The following KIF18A variants were observed in gnomAD, a reference collection of about 807,000 sequenced individuals.
The protein encoded by KIF18A is kinesin-like protein KIF18A.
A neutral mutation model predicts 103.3 loss-of-function variants in KIF18A; 67 were observed. The observed-to-expected ratio is 0.65, with a 90% confidence interval of 0.53 to 0.79. KIF18A has a LOEUF of 0.79. KIF18A is among the 30% of genes least tolerant of loss of function. KIF18A has a pLI of 0.00. For synonymous variants in KIF18A, 367 were observed against 355.5 expected (o/e 1.03, Z -0.36); for missense variants, 1,032 against 1,062.5 (o/e 0.97, Z 0.40).
chr11:28,071,675 A>T (rs181125684), intron 10 of KIF18A, among the ~76,000 whole-genome samples: 1 of 152,204 alleles, frequency 6.6e-6, no homozygotes, highest in Non-Finnish European at 1.5e-5. Flanking sequence ...TTAAAAGCAG[A>T]AAGGGGTCCT....
rs567366088 is a variant in KIF18A, at chr11:28,050,799, T to C, written c.1948+8127A>G. Among the ~76,000 whole-genome samples, 10 of 151,936 alleles carry C rather than the reference T, an allele frequency of 6.6e-5. No individual in the cohort carries two copies. In the South Asian group the frequency reaches 1.9e-3, roughly 28 times the overall value. ...GCTATCTATTTTCCAGACCCCAAAA[T>C]AGGTACATATTTTACTCTTAGTCAA... On this transcript the variant is annotated intron_variant, in intron 13 of 16. Coordinates refer to ENST00000263181, the MANE Select transcript of KIF18A (RefSeq NM_031217.4).
At chr11:28,067,469 G>A (rs1242981111) in intron 11 of KIF18A, among the ~76,000 whole-genome samples, 1 of 152,022 alleles carries the variant, frequency 6.6e-6, no homozygotes. Context: ...AGTCATGTCT[G>A]AGCTTCCATA....
intron 7 of KIF18A, 95 bp from the exon 8 acceptor site, chr11:28,083,338 C>T: frequency 7.7e-7 from 1 of 1,306,580 alleles, no homozygotes. Flanking sequence ...CATTGAGTTC[C>T]ATGAATTCAG....
At chr11:28,080,490 T>C (rs1851151929) in intron 9 of KIF18A, among the ~76,000 whole-genome samples, 1 of 152,126 alleles carries the variant, frequency 6.6e-6, no homozygotes. Context: ...TTTTTCATTA[T>C]TACATATCTG....
At chr11:28,059,226 C>A in intron 12 of KIF18A, 65 bp from the exon 13 acceptor site, 1 of 1,123,360 alleles carries the variant, frequency 8.9e-7, no homozygotes, top group South Asian at 1.4e-5. Flanking sequence ...TATTTTAGTT[C>A]TTTTATGTAA....
At chr11:28,063,686 T>C (rs1444626739) in intron 11 of KIF18A, among the ~76,000 whole-genome samples, 3 of 151,948 alleles carry the variant, frequency 2.0e-5, no homozygotes, top group East Asian at 3.9e-4. Context: ...TTTCAAACAA[T>C]ACAATGAAAA....
At chr11:28,074,860 C>T (rs1483163250) in intron 10 of KIF18A, among the ~76,000 whole-genome samples, 1 of 152,022 alleles carries the variant, frequency 6.6e-6, no homozygotes, top group East Asian at 1.9e-4. Context: ...CATCATATGT[C>T]TATGTAATTA....
intron 9 of KIF18A, among the ~76,000 whole-genome samples, chr11:28,078,730 T>C (rs146671840): frequency 6.6e-6 from 1 of 152,252 alleles, no homozygotes; most frequent in African/African-American, 2.4e-5. Flanking sequence ...GATTTCCTTT[T>C]GAGAATTACC....
intron 12 of KIF18A, among the ~76,000 whole-genome samples, chr11:28,062,117 T>C (rs772901215): frequency 6.6e-6 from 1 of 152,134 alleles, no homozygotes; most frequent in Non-Finnish European, 1.5e-5. Context: ...GGCAGATTTC[T>C]TTTCAATGTG....
intron 2 of KIF18A, chr11:28,097,206 A>G (rs987097285): frequency 3.6e-5 from 6 of 166,606 alleles, no homozygotes; most frequent in African/African-American, 1.4e-4. Flanking sequence ...TCAATGTGCC[A>G]TGAAGAAAAA....
At chr11:28,056,801 C>T (rs1850786636) in intron 13 of KIF18A, 1 of 167,304 alleles carries the variant, frequency 6.0e-6, no homozygotes, top group Non-Finnish European at 1.5e-5. Flanking sequence ...TAGCCCTTCA[C>T]TCCCAACTAT....
chr11:28,092,484 C>T (rs1231759928), intron 3 of KIF18A, among the ~76,000 whole-genome samples: 2 of 152,168 alleles, frequency 1.3e-5, no homozygotes, highest in South Asian at 2.1e-4. Flanking sequence ...CACTCTACTG[C>T]ATCATACTGA....
chr11:28,033,518 C>T (rs988513336), intron 15 of KIF18A, among the ~76,000 whole-genome samples: 1 of 151,694 alleles, frequency 6.6e-6, no homozygotes, highest in African/African-American at 2.4e-5. Context: ...CAATAGAGTA[C>T]CATTCAGCCA....
intron 13 of KIF18A, among the ~76,000 whole-genome samples, chr11:28,056,195 T>C (rs997432105): frequency 2.7e-5 from 4 of 149,524 alleles, no homozygotes; most frequent in Non-Finnish European, 4.4e-5. Context: ...GTTGAATCCA[T>C]GGATGCAGAA....
chr11:28,077,151 G>C lies in KIF18A; in HGVS notation c.1281C>G (p.Asn427Lys). The stretch of plus-strand genomic sequence containing the variant: ...TTTCTTCTCGATTCTGGAACAAGCA[G>C]TTCAGGATTTCTTGAAACCTACCAA... ...KEIERFQEIL[N>K]CLFQNREEIR... The change falls in exon 10 of 17, where the codon AAC becomes AAG. Residue 427 changes from asparagine (N) to lysine (K), a missense_variant. Coordinates refer to ENST00000263181, the MANE Select transcript of KIF18A (RefSeq NM_031217.4). The C allele has an allele frequency of 6.4e-7, 1 of 1,571,234 alleles. No individual in the cohort carries two copies. The highest frequency in any genetic ancestry group is 2.3e-5 in the East Asian group (1 of 43,362).
chr11:28,078,757 A>G (rs1851126583), intron 9 of KIF18A, among the ~76,000 whole-genome samples: 1 of 152,048 alleles, frequency 6.6e-6, no homozygotes, highest in South Asian at 2.1e-4. Context: ...AATAGCTCTG[A>G]TAGACAGAAA....
intron 10 of KIF18A, among the ~76,000 whole-genome samples, chr11:28,071,693 G>C (rs1851017111): frequency 6.6e-6 from 1 of 152,044 alleles, no homozygotes; most frequent in African/African-American, 2.4e-5. Context: ...CCTGAAACTT[G>C]AAGTTTAGAG....
chr11:28,067,659 C>T (rs1339868618), intron 11 of KIF18A, among the ~76,000 whole-genome samples: 1 of 152,124 alleles, frequency 6.6e-6, no homozygotes, highest in East Asian at 1.9e-4. Context: ...CTGTCTGGTG[C>T]CTTTCTAGGA....
rs773750645 is a variant in KIF18A at position 28,023,826 on chromosome 11, A to C, written c.2529T>G (p.Thr843=). Residue 843 remains threonine (T), a synonymous_variant, in exon 16 of 17, where the codon ACT becomes ACG. Transcript: ENST00000263181. ...LTSSTSNSSL[T]ADVNSGFAKR... The stretch of plus-strand genomic sequence containing the variant: ...TGGCAAATCCAGAATTTACGTCTGC[A>C]GTTAACGAACTGTTTGATGTAGAAC... The C allele has an allele frequency of 8.7e-6, 14 of 1,611,960 alleles. No homozygotes were observed. The highest frequency in any genetic ancestry group is 1.7e-4 in the Middle Eastern group (1 of 6,048).
Sources: gnomAD v4.1 joint callset for allele counts (sites outside exome capture counted in the v4.1 genomes callset) on GRCh38, gnomAD v4.1.1 for gene constraint, MANE v1.5 for transcripts, NCBI Gene and HGNC (gene_info 2026-07-23, HGNC 2026-07-21) for gene names.